The following NYAP2 variants were observed in gnomAD, a reference collection of about 807,000 sequenced individuals.
NYAP2 encodes the protein neuronal tyrosine-phosphorylated phosphoinositide-3-kinase adaptor 2.
In NYAP2, 23 loss-of-function variants were observed where a neutral mutation model predicts 50.4. The observed-to-expected ratio is 0.46, with a 90% CI of 0.33 to 0.65. The LOEUF is 0.65. Among genes scored for constraint, NYAP2 ranks in the 30% least tolerant of loss-of-function variants. NYAP2 has a pLI of 0.02. For synonymous variants in NYAP2, 394 were observed against 365.2 expected, an observed-to-expected ratio of 1.08 and a Z score of -0.90; for missense variants, 885 against 861.0, an observed-to-expected ratio of 1.03 and a Z score of -0.35.
intron 4 of NYAP2, among the ~76,000 whole-genome samples, chr2:225,523,244 A>G (rs1359622362): frequency 6.6e-6 from 1 of 152,006 alleles, no homozygotes; most frequent in Non-Finnish European, 1.5e-5. Context: ...AGAAATAAAT[A>G]AAAGGCATCC....
intron 3 of NYAP2, among the ~76,000 whole-genome samples, chr2:225,413,947 T>A (rs1413426662): frequency 1.3e-5 from 2 of 152,220 alleles, no homozygotes; most frequent in Non-Finnish European, 2.9e-5. Context: ...ACGTGCAGAC[T>A]GCCAAGGATT....
At chr2:225,595,038 G>C (rs6436571) in intron 5 of NYAP2, among the ~76,000 whole-genome samples, 135,386 of 152,266 alleles carry the variant, frequency 0.89, 60,689 homozygotes, top group Middle Eastern at 0.95. Flanking sequence ...AAATTCCAAT[G>C]CAGAAGTCCG....
chr2:225,544,244 C>A (rs764043212), intron 4 of NYAP2, among the ~76,000 whole-genome samples: 21 of 150,690 alleles, frequency 1.4e-4, no homozygotes, highest in Non-Finnish European at 2.5e-4. Flanking sequence ...ATCCATTGAG[C>A]CACTCTGTGT....
intron 5 of NYAP2, among the ~76,000 whole-genome samples, chr2:225,595,887 C>G (rs919891368): frequency 1.5e-4 from 23 of 152,204 alleles, no homozygotes; most frequent in African/African-American, 5.5e-4. Context: ...TTCCCACAAA[C>G]TGGCTTCCTC....
At chr2:225,501,287 C>A (rs186140956) in intron 3 of NYAP2, among the ~76,000 whole-genome samples, 45 of 152,234 alleles carry the variant, frequency 3.0e-4, no homozygotes, top group African/African-American at 1.0e-3. Context: ...TATGGACAAA[C>A]CAGAGAGTAG....
chr2:225,651,207 C>G (rs1693725047), intron 6 of NYAP2, among the ~76,000 whole-genome samples: 1 of 152,194 alleles, frequency 6.6e-6, no homozygotes, highest in Non-Finnish European at 1.5e-5. Flanking sequence ...AGGCACAAGG[C>G]CTGTGCTTCT....
chr2:225,524,787 A>G (rs1305099726), intron 4 of NYAP2, among the ~76,000 whole-genome samples: 1 of 152,198 alleles, frequency 6.6e-6, no homozygotes, highest in African/African-American at 2.4e-5. Flanking sequence ...AAAAGAAACA[A>G]TTAACAGAGT....
chr2:225,675,540 A>C, the NYAP2 span, among the ~76,000 whole-genome samples: 1 of 152,134 alleles, frequency 6.6e-6, no homozygotes, highest in Admixed American at 6.6e-5. Flanking sequence ...TAAAAAATCA[A>C]ATCCACTGTT....
chr2:225,456,641 C>A (rs907526715), intron 3 of NYAP2, among the ~76,000 whole-genome samples: 1 of 152,140 alleles, frequency 6.6e-6, no homozygotes, highest in African/African-American at 2.4e-5. Flanking sequence ...GTTACAACCA[C>A]GTGTGCTGTC....
At chr2:225,423,744 C>A (rs368639607) in intron 3 of NYAP2, among the ~76,000 whole-genome samples, 39 of 152,222 alleles carry the variant, frequency 2.6e-4, no homozygotes, top group African/African-American at 8.7e-4. Context: ...TGATACAGCA[C>A]AATAAAACTA....
At chr2:225,458,095 C>A in intron 3 of NYAP2, among the ~76,000 whole-genome samples, 1 of 152,182 alleles carries the variant, frequency 6.6e-6, no homozygotes, top group East Asian at 1.9e-4. Flanking sequence ...AAAAGAGATT[C>A]ATTTAAGGAG....
the NYAP2 span, among the ~76,000 whole-genome samples, chr2:225,689,477 T>G: frequency 6.6e-6 from 1 of 152,274 alleles, no homozygotes; most frequent in Admixed American, 6.5e-5. Context: ...TCACAGGTGA[T>G]TTTTAGATCT....
intron 4 of NYAP2, among the ~76,000 whole-genome samples, chr2:225,578,153 G>A (rs1428666089): frequency 2.6e-5 from 4 of 151,966 alleles, no homozygotes; most frequent in South Asian, 2.1e-4. Flanking sequence ...GGCTGGTCTC[G>A]AACTCCTGAC....
At chr2:225,641,025 C>T (rs957738808) in intron 6 of NYAP2, among the ~76,000 whole-genome samples, 2 of 152,140 alleles carry the variant, frequency 1.3e-5, no homozygotes, top group African/African-American at 2.4e-5. Flanking sequence ...TGCCTTGCCT[C>T]TCAATACAAG....
chr2:225,590,428 C>A (rs1448843049), intron 5 of NYAP2, among the ~76,000 whole-genome samples: 3 of 152,174 alleles, frequency 2.0e-5, no homozygotes, highest in Non-Finnish European at 1.5e-5. Context: ...TCATATTCAC[C>A]TGGATGTTGT....
exon 7 of NYAP2, chr2:225,651,631 C>A: frequency 2.5e-6 from 4 of 1,577,304 alleles, no homozygotes; most frequent in Non-Finnish European, 3.5e-6. Flanking sequence ...AGACAACTTT[C>A]GCATTTGCTT....
At chr2:225,536,706 T>C (rs1691357034) in intron 4 of NYAP2, among the ~76,000 whole-genome samples, 1 of 152,242 alleles carries the variant, frequency 6.6e-6, no homozygotes, top group African/African-American at 2.4e-5. Context: ...TTTTTAAATG[T>C]ACTATTATTA....
rs1691108453 is a variant in NYAP2 at position 225,523,846 on chromosome 2, TATAAAAGTAAAC to T, written c.523+10178_523+10189del. Among the ~76,000 whole-genome samples, 3 of 152,090 alleles carry T rather than the reference TATAAAAGTAAAC, an allele frequency of 2.0e-5. No homozygotes were observed. In the South Asian group the frequency reaches 6.2e-4, roughly 31 times the overall value. On this transcript the variant is annotated intron_variant, in intron 4 of 6. Coordinates refer to ENST00000636099, the Ensembl canonical transcript of NYAP2. ...TGCAACCAAAACAGCATGGTACTGG[TATAAAAGTAAAC>T]ATATAGGTCAATGGAAGGGAATAGA...
intron 3 of NYAP2, among the ~76,000 whole-genome samples, chr2:225,455,421 A>G (rs974936113): frequency 2.0e-5 from 3 of 152,240 alleles, no homozygotes; most frequent in African/African-American, 7.2e-5. Flanking sequence ...ACAATATACT[A>G]TTTAATGCCA....
Sources: allele counts gnomAD v4.1 joint callset (sites outside exome capture counted in the v4.1 genomes callset), GRCh38; gene constraint gnomAD v4.1.1; transcripts MANE v1.5; gene names NCBI Gene and HGNC (gene_info 2026-07-23, HGNC 2026-07-21).